The following GRIK1 variants were observed in gnomAD, a reference collection of about 807,000 sequenced individuals.
GRIK1 encodes glutamate ionotropic receptor kainate type subunit 1.
GRIK1 carries 69 observed loss-of-function variants against 105.7 expected under a neutral mutation model. That is an observed-to-expected ratio of 0.65 (90% CI 0.54 to 0.80). GRIK1 has a LOEUF of 0.80. GRIK1 is among the 30% of genes least tolerant of loss of function. The probability of loss-of-function intolerance (pLI) is 0.00; values close to 1 mark genes in which losing one functional copy is unlikely to be tolerated. For missense variants in GRIK1, 1,109 were observed against 1,167.3 expected, an observed-to-expected ratio of 0.95 and a Z score of 0.73; for synonymous variants, 438 against 431.3, an observed-to-expected ratio of 1.02 and a Z score of -0.19.
intron 1 of GRIK1, among the ~76,000 whole-genome samples, chr21:29,738,036 T>G (rs2064838376): frequency 6.6e-6 from 1 of 152,248 alleles, no homozygotes; most frequent in African/African-American, 2.4e-5. Flanking sequence ...GAGTGGATTA[T>G]TTAGAAATGG....
rs2146201876 is a variant in GRIK1 at position 29,886,338 on chromosome 21, G to T, written c.118+53045C>A. ...CTCTTTTTCAGGCTGACTTTGTTCT[G>T]TTCTTTGCACATATTTTCCAGGAAT... On this transcript the variant is annotated intron_variant, in intron 1 of 17. Transcript: ENST00000327783. Among the ~76,000 whole-genome samples the T allele has an allele frequency of 2.0e-5, 3 of 152,058 alleles. No homozygotes were observed. The Middle Eastern group carries it at 0.01, about 521-fold the overall frequency.
At chr21:29,749,475 T>G (rs2065125938) in intron 1 of GRIK1, among the ~76,000 whole-genome samples, 1 of 152,180 alleles carries the variant, frequency 6.6e-6, no homozygotes, top group Non-Finnish European at 1.5e-5. Flanking sequence ...TGTTACTTCT[T>G]TGGGATGTGG....
At chr21:29,608,181 G>T (rs1601252017) in intron 7 of GRIK1, among the ~76,000 whole-genome samples, 1 of 152,058 alleles carries the variant, frequency 6.6e-6, no homozygotes, top group East Asian at 1.9e-4. Flanking sequence ...TTTTGGTTTT[G>T]CCACTTTGAA....
intron 1 of GRIK1, among the ~76,000 whole-genome samples, chr21:29,751,334 G>A (rs1265818806): frequency 6.6e-6 from 1 of 152,128 alleles, no homozygotes; most frequent in East Asian, 1.9e-4. Flanking sequence ...CAAGAAAGCT[G>A]CCTCACACCA....
chr21:29,936,895 C>A (rs116886122), intron 1 of GRIK1, among the ~76,000 whole-genome samples: 1 of 152,058 alleles, frequency 6.6e-6, no homozygotes, highest in Non-Finnish European at 1.5e-5. Flanking sequence ...AAGTGCCTAG[C>A]GATTTTGCTA....
intron 1 of GRIK1, among the ~76,000 whole-genome samples, chr21:29,876,905 T>C (rs2069211599): frequency 6.6e-6 from 1 of 152,116 alleles, no homozygotes; most frequent in African/African-American, 2.4e-5. Flanking sequence ...ACCTGATAAA[T>C]TACAATCTAC....
chr21:29,919,598 G>C (rs2071123694), intron 1 of GRIK1, among the ~76,000 whole-genome samples: 1 of 152,116 alleles, frequency 6.6e-6, no homozygotes, highest in African/African-American at 2.4e-5. Context: ...AGCAAAGGTA[G>C]CACTCCCTAA....
chr21:29,751,497 T>G (rs2065200825), intron 1 of GRIK1, among the ~76,000 whole-genome samples: 1 of 152,130 alleles, frequency 6.6e-6, no homozygotes, highest in Non-Finnish European at 1.5e-5. Context: ...CTGCTAAAGG[T>G]TTACCATGAC....
intron 7 of GRIK1, among the ~76,000 whole-genome samples, chr21:29,640,433 G>A (rs2062488398): frequency 6.6e-6 from 1 of 152,098 alleles, no homozygotes; most frequent in South Asian, 2.1e-4. Context: ...CCTGACTCAG[G>A]AGACAAAAGA....
At chr21:29,744,509 G>T (rs1026796737) in intron 1 of GRIK1, among the ~76,000 whole-genome samples, 8 of 151,068 alleles carry the variant, frequency 5.3e-5, no homozygotes, top group African/African-American at 1.5e-4. Context: ...GAGGGGGCAA[G>T]AAATCCTTCC....
At chr21:29,794,804 CCAACTGGGATTTTGTCCAGAGA>C (rs2066512504) in intron 1 of GRIK1, among the ~76,000 whole-genome samples, 1 of 151,958 alleles carries the variant, frequency 6.6e-6, no homozygotes, top group Admixed American at 6.6e-5. Flanking sequence ...GGTAATAATT[CCAACTGGGATTTTGTCCAGAGA>C]CAACTAGTGA....
At chr21:29,730,991 C>T (rs2064609774) in intron 1 of GRIK1, among the ~76,000 whole-genome samples, 2 of 152,188 alleles carry the variant, frequency 1.3e-5, no homozygotes, top group African/African-American at 4.8e-5. Context: ...TTAACCATGT[C>T]AATGCATTCT....
At chr21:29,709,597 T>C (rs2063997823) in intron 1 of GRIK1, among the ~76,000 whole-genome samples, 1 of 152,130 alleles carries the variant, frequency 6.6e-6, no homozygotes, top group Admixed American at 6.5e-5. Flanking sequence ...GGAAATATTT[T>C]TTTAAATTCC....
At chr21:29,663,425 A>G (rs959649576) in intron 4 of GRIK1, among the ~76,000 whole-genome samples, 1 of 152,182 alleles carries the variant, frequency 6.6e-6, no homozygotes, top group Admixed American at 6.5e-5. Flanking sequence ...AGGCCCTTGG[A>G]TGATGTTCCA....
At chr21:29,810,165 C>T (rs1351581282) in intron 1 of GRIK1, among the ~76,000 whole-genome samples, 3 of 151,858 alleles carry the variant, frequency 2.0e-5, no homozygotes, top group Non-Finnish European at 2.9e-5. Context: ...GGCATGGCAG[C>T]GGGCACCTGG....
At chr21:29,892,749 C>A (rs144986614) in intron 1 of GRIK1, among the ~76,000 whole-genome samples, 2 of 152,238 alleles carry the variant, frequency 1.3e-5, no homozygotes, top group African/African-American at 4.8e-5. Context: ...ATGACAGAAG[C>A]TCTTCCTTTT....
At chr21:29,897,850 A>G (rs455683) in intron 1 of GRIK1, among the ~76,000 whole-genome samples, 33,654 of 152,178 alleles carry the variant, frequency 0.22, 4,253 homozygotes, top group African/African-American at 0.34. Flanking sequence ...TGGGCCAAGT[A>G]TATAAAACAA....
chr21:29,817,239 T>C (rs1189406225), intron 1 of GRIK1, among the ~76,000 whole-genome samples: 1 of 151,998 alleles, frequency 6.6e-6, no homozygotes, highest in African/African-American at 2.4e-5. Context: ...TATAAGATGT[T>C]GCATGAATAA....
At chr21:29,561,918 G>A in intron 14 of GRIK1, 69 bp from the exon 15 acceptor site, 2 of 834,478 alleles carry the variant, frequency 2.4e-6, no homozygotes, top group Non-Finnish European at 4.1e-6. Context: ...GGTATTCAAA[G>A]TCCCAATGGT....
Sources: gnomAD v4.1 joint callset for allele counts (sites outside exome capture counted in the v4.1 genomes callset) on GRCh38, gnomAD v4.1.1 for gene constraint, MANE v1.5 for transcripts, NCBI Gene and HGNC (gene_info 2026-07-23, HGNC 2026-07-21) for gene names.